Variants in WNK1 observed in about 807,000 individuals in gnomAD.
WNK1 encodes the protein WNK lysine deficient protein kinase 1.
A neutral mutation model predicts 222.8 loss-of-function variants in WNK1; 38 were observed. The observed-to-expected ratio is 0.17, with a 90% CI of 0.13 to 0.22. The LOEUF (loss-of-function observed/expected upper bound fraction) is 0.22, where lower values mean the gene tolerates loss of function less well. WNK1 is among the 10% of genes least tolerant of loss of function. The pLI is 1.00. For missense variants in WNK1, 2,348 were observed against 2,918.4 expected (o/e 0.80, Z 4.50); for synonymous variants, 1,090 against 1,092.9 (o/e 1.00, Z 0.05).
In WNK1 at chr12:896,886, CCACACACACACACACACACACA is replaced by C. The variant is rs34202153; in HGVS notation, c.6245+186_6245+207del. 2.3e-3 allele frequency among the ~76,000 whole-genome samples: 312 copies of C among 134,606 alleles called. 3 individuals are homozygous for C. The highest frequency in any genetic ancestry group is 3.1e-3 in the Non-Finnish European group (197 of 63,980). 88.3% of individuals were successfully genotyped at this position (134,606 alleles called of 152,430 possible). ...AGAAGCCCCACCCCATACCTCCCCA[CCACACACACACACACACACACA>C]CACACACACACACACACACACACAC... is the stretch of plus-strand genomic sequence containing the variant. On this transcript the variant is annotated intron_variant, in intron 24 of 27. Transcript: ENST00000315939.
In WNK1 at chr12:788,611, G is replaced by A. The variant is rs1002063970; in HGVS notation, c.760-25031G>A. Among the ~76,000 whole-genome samples, 21 of 152,244 alleles carry A rather than the reference G, an allele frequency of 1.4e-4. No homozygotes were observed. In the East Asian group the frequency reaches 1.9e-3, roughly 14 times the overall value. On this transcript the variant is annotated intron_variant, in intron 1 of 27. Transcript: ENST00000315939. ...ATTTAAAAATGAAAGTGAGAGGACC[G>A]GGTGAGGTGGCTCACGCCTGTAATC...
intron 4 of WNK1, among the ~76,000 whole-genome samples, chr12:856,715 A>G (rs2154061194): frequency 6.6e-6 from 1 of 152,330 alleles, no homozygotes; most frequent in South Asian, 2.1e-4. Flanking sequence ...GATTACTATA[A>G]TAATATAATC....
At chr12:796,706 T>C (rs1016245814) in intron 1 of WNK1, among the ~76,000 whole-genome samples, 1 of 152,188 alleles carries the variant, frequency 6.6e-6, no homozygotes, top group Non-Finnish European at 1.5e-5. Context: ...AACCAGAAAG[T>C]TCTGAGAATC....
chr12:884,156 T>A lies in WNK1; in HGVS notation c.3757T>A (p.Ser1253Thr). 1 of 1,614,224 alleles carries A rather than the reference T, an allele frequency of 6.2e-7. No individual in the cohort carries two copies. The highest frequency in any genetic ancestry group is 1.1e-5 in the South Asian group (1 of 91,084). ...CAGTTCTTTAACTCAAGTTGTTCATTCTGCGGGAAGGCGGTTTATAGTGAG... is the reference window on the plus strand; with the variant it reads ...CAGTTCTTTAACTCAAGTTGTTCATACTGCGGGAAGGCGGTTTATAGTGAG... The part of the protein sequence containing the change: ...PTSSLTQVVH[S>T]AGRRFIVSPV... Residue 1253 changes from serine (S) to threonine (T), a missense_variant, in exon 18 of 28, where the codon TCT becomes ACT. By Grantham distance (58) the Ser-to-Thr change is moderately conservative. This residue lies in a region of WNK1 where 1,144 missense variants were observed against 1,273.6 expected (regional missense o/e 0.90). Transcript: ENST00000315939. This position sits in a 1 kb window ranked among gnomAD's most constrained non-coding sequence, Gnocchi z 5.6.
At chr12:799,885 A>G (rs944227807) in intron 1 of WNK1, among the ~76,000 whole-genome samples, 3 of 151,734 alleles carry the variant, frequency 2.0e-5, no homozygotes, top group Admixed American at 1.3e-4. Flanking sequence ...GGGTTTCACC[A>G]TGTTGGCCAG....
intron 10 of WNK1, 50 bp downstream of exon 10, chr12:878,411 G>T: frequency 6.4e-7 from 1 of 1,570,610 alleles, no homozygotes; most frequent in Non-Finnish European, 8.7e-7. Context: ...TTTCTGAAAG[G>T]GTGCTAAAAG....
intron 1 of WNK1, among the ~76,000 whole-genome samples, chr12:786,708 C>G (rs1304465000): frequency 6.6e-6 from 1 of 152,140 alleles, no homozygotes; most frequent in Non-Finnish European, 1.5e-5. Flanking sequence ...CTCAGGTGAT[C>G]CACCCACCTT....
At chr12:834,452 A>G (rs1949030656) in intron 4 of WNK1, among the ~76,000 whole-genome samples, 1 of 152,170 alleles carries the variant, frequency 6.6e-6, no homozygotes, top group South Asian at 2.1e-4. Context: ...AGTAGAAATC[A>G]TGGTGGGTGG....
intron 1 of WNK1, among the ~76,000 whole-genome samples, chr12:813,262 G>GT (rs1458584445): frequency 6.6e-6 from 1 of 152,116 alleles, no homozygotes; most frequent in Non-Finnish European, 1.5e-5. Flanking sequence ...TAAAAACAAT[G>GT]TTTTGGTTAA....
In WNK1 at chr12:861,359, A is replaced by G. The variant is rs374359659; in HGVS notation, c.1951+16A>G. The G allele has an allele frequency of 1.2e-6, 2 of 1,612,860 alleles. No homozygotes were observed. Among genetic ancestry groups the G allele is most frequent in the Non-Finnish European group, 1.7e-6 (2 of 1,178,916 alleles). ...TCTGTGTTATGTACGTATCTTGGGA[A>G]GTGGACAGATAGGCTAATGATTCTC... On this transcript the variant is annotated intron_variant, in intron 7 of 27. Transcript: ENST00000315939.
chr12:780,538 A>G (rs192756523), intron 1 of WNK1, among the ~76,000 whole-genome samples: 1 of 152,366 alleles, frequency 6.6e-6, no homozygotes. Flanking sequence ...CTAAGTACCA[A>G]GTAACTAGCT....
In WNK1 at chr12:754,052, G is replaced by C. The variant is rs1468010379; in HGVS notation, c.487G>C (p.Asp163His). Residue 163 changes from aspartate (D) to histidine (H), a missense_variant, in exon 1 of 28, where the codon GAC becomes CAC. Around this residue, in one of 13 missense-constraint regions of WNK1, gnomAD observed 185 missense variants for 159.2 expected, o/e 1.16. Coordinates refer to ENST00000315939, the MANE Select transcript of WNK1 (RefSeq NM_018979.4). ...PSTVPSSTSKDRPVSQPSLVG... is the reference protein window; with the variant it reads ...PSTVPSSTSKHRPVSQPSLVG... The stretch of plus-strand genomic sequence containing the variant: ...GACTGTCCCCAGCAGTACCAGCAAA[G>C]ACCGCCCAGTGTCCCAGCCTAGCCT... 2 of 1,599,688 alleles carry C rather than the reference G, an allele frequency of 1.3e-6. No individual in the cohort carries two copies. The highest frequency in any genetic ancestry group is 2.7e-5 in the African/African-American group (2 of 74,846).
At position 753,517 on chromosome 12, in the gene WNK1, T is replaced by A; in HGVS notation, c.-49T>A. The A allele has an allele frequency of 6.2e-7, 1 of 1,609,680 alleles. No homozygotes were observed. The highest frequency in any genetic ancestry group is 8.5e-7 in the Non-Finnish European group (1 of 1,179,356). Reference sequence around the variant, plus strand: ...GCGGGCGGCTCGGCCCTTCACGCCCTTTTCGTTCACGAATCCGAGCCCGCT... The same window carrying A: ...GCGGGCGGCTCGGCCCTTCACGCCCATTTCGTTCACGAATCCGAGCCCGCT... On this transcript the variant is annotated 5_prime_UTR_variant, in exon 1 of 28. Transcript: ENST00000315939. The surrounding 1 kb of genome is among the most constrained non-coding windows in gnomAD (Gnocchi z 5.2).
chr12:776,323 T>C (rs992119690), intron 1 of WNK1, among the ~76,000 whole-genome samples: 4 of 150,564 alleles, frequency 2.7e-5, no homozygotes, highest in African/African-American at 9.8e-5. Context: ...TGTGAGACAC[T>C]GTGGCCTTTT....
chr12:889,015 C>T, intron 20 of WNK1, 125 bp from the exon 21 acceptor site: 1 of 812,246 alleles, frequency 1.2e-6, no homozygotes, highest in South Asian at 1.4e-5. Context: ...TTGTATGTTC[C>T]ATAAAGACAA....
chr12:908,815 G>T lies in WNK1; in HGVS notation c.*23G>T. On this transcript the variant is annotated 3_prime_UTR_variant, in exon 28 of 28. Coordinates refer to ENST00000315939, the MANE Select transcript of WNK1 (RefSeq NM_018979.4). Reference sequence around the variant, plus strand: ...TAGACCTAGAGACATTAACTGAATAGATCTGGGGGCAGGAGATGGAATGCT... The same window carrying T: ...TAGACCTAGAGACATTAACTGAATATATCTGGGGGCAGGAGATGGAATGCT... The T allele has an allele frequency of 8.0e-7, 1 of 1,247,038 alleles. No individual in the cohort carries two copies. Among genetic ancestry groups the T allele is most frequent in the East Asian group, 4.7e-5 (1 of 21,074 alleles). The allele number at this position is 1,247,038 out of a possible 1,614,324, so 77.2% of individuals were successfully genotyped here.
rs1380874444 is a variant in WNK1, at chr12:896,929, C to CG, written c.6245+197_6245+198insG. 4.2e-3 allele frequency among the ~76,000 whole-genome samples: 376 copies of CG among 88,506 alleles called. 3 individuals carry two copies. The highest frequency in any genetic ancestry group is 0.015 in the African/African-American group (348 of 22,720). 58.1% of individuals were successfully genotyped at this position (88,506 alleles called of 152,430 possible). On this transcript the variant is annotated intron_variant, in intron 24 of 27. Transcript: ENST00000315939. ...ACACACACACACACACACACACACACACACACACACGATTCCCAACCACTG... is the reference window on the plus strand; with the variant it reads ...ACACACACACACACACACACACACACGACACACACACGATTCCCAACCACTG...
At chr12:888,349 G>T (rs1334842986) in intron 20 of WNK1, among the ~76,000 whole-genome samples, 1 of 152,162 alleles carries the variant, frequency 6.6e-6, no homozygotes, top group Non-Finnish European at 1.5e-5. Flanking sequence ...TAAATCAGGA[G>T]TTAGAAAATT....
intron 8 of WNK1, chr12:868,371 T>C (rs1162650308): frequency 6.2e-7 from 1 of 1,613,814 alleles, no homozygotes; most frequent in African/African-American, 1.3e-5. Context: ...ATGAAACAGA[T>C]ACCTGAACAG....
Sources: allele counts gnomAD v4.1 joint callset (sites outside exome capture counted in the v4.1 genomes callset), GRCh38; gene constraint gnomAD v4.1.1; regional missense constraint gnomAD v4.1.1; non-coding constraint Gnocchi (gnomAD v3.1); transcripts MANE v1.5; gene names NCBI Gene and HGNC (gene_info 2026-07-23, HGNC 2026-07-21).